COL28A1: variants seen among roughly 807,000 people sequenced by gnomAD.
The protein encoded by COL28A1 is collagen alpha-1(XXVIII) chain.
A neutral mutation model predicts 150.2 loss-of-function variants in COL28A1; 161 were observed. The ratio of observed to expected loss-of-function variants is 1.07; its 90% CI spans 0.94 to 1.22. The LOEUF (loss-of-function observed/expected upper bound fraction) is 1.22. Ranked by LOEUF, COL28A1 falls within the 50% of genes most tolerant of loss-of-function variation. COL28A1 has a pLI of 0.00. For missense variants in COL28A1, 1,617 were observed against 1,388.3 expected (o/e 1.16, Z -2.62); for synonymous variants, 552 against 469.7 (o/e 1.18, Z -2.26).
chr7:7,490,455 G>A (rs1159781679), intron 12 of COL28A1, 123 bp downstream of exon 12: 2 of 502,918 alleles, frequency 4.0e-6, no homozygotes, highest in African/African-American at 3.9e-5. Flanking sequence ...ATAAAATGAA[G>A]TAACTTCAGG....
At chr7:7,538,608 G>A (rs537064277), upstream of COL28A1, among the ~76,000 whole-genome samples, 5 of 151,992 alleles carry the variant, frequency 3.3e-5, no homozygotes, top group African/African-American at 1.2e-4. Context: ...ATTGATTCTA[G>A]TACCAGTGCC....
At chr7:7,427,075 C>G (rs1784681076) in intron 25 of COL28A1, among the ~76,000 whole-genome samples, 2 of 152,106 alleles carry the variant, frequency 1.3e-5, no homozygotes, top group Non-Finnish European at 2.9e-5. Context: ...CGTACATACT[C>G]ATAAGAAGAG....
At chr7:7,455,987 A>C (rs1218058662) in intron 16 of COL28A1, 57 bp downstream of exon 16, 1 of 1,605,816 alleles carries the variant, frequency 6.2e-7, no homozygotes, top group Non-Finnish European at 8.5e-7. Flanking sequence ...TTCAATGAAG[A>C]CCAGGATTGG....
chr7:7,428,083 T>C (rs1784744896), intron 25 of COL28A1, among the ~76,000 whole-genome samples: 1 of 152,210 alleles, frequency 6.6e-6, no homozygotes, highest in South Asian at 2.1e-4. Context: ...AGGGGGACTG[T>C]TAAAAATGTC....
chr7:7,508,845 T>A (rs1163856994), intron 9 of COL28A1, among the ~76,000 whole-genome samples: 2 of 152,048 alleles, frequency 1.3e-5, no homozygotes, highest in Non-Finnish European at 2.9e-5. Context: ...GGTTTTGTTT[T>A]GTTTTTGAGA....
At chr7:7,481,828 G>T (rs1439733881) in intron 13 of COL28A1, among the ~76,000 whole-genome samples, 1 of 151,922 alleles carries the variant, frequency 6.6e-6, no homozygotes, top group African/African-American at 2.4e-5. Flanking sequence ...TCTTCAAACA[G>T]TGCCATCTAC....
At chr7:7,347,179 G>A in the COL28A1 span, among the ~76,000 whole-genome samples, 1 of 152,006 alleles carries the variant, frequency 6.6e-6, no homozygotes, top group Non-Finnish European at 1.5e-5. Context: ...GGCCATACCA[G>A]GCAGTGTAAG....
chr7:7,374,585 A>G (rs986742561), intron 31 of COL28A1, among the ~76,000 whole-genome samples: 3 of 152,210 alleles, frequency 2.0e-5, no homozygotes, highest in African/African-American at 7.2e-5. Flanking sequence ...CACTTAAAGC[A>G]GTTGCCAGAG....
At chr7:7,402,929 T>C (rs1783293325) in intron 27 of COL28A1, among the ~76,000 whole-genome samples, 1 of 152,146 alleles carries the variant, frequency 6.6e-6, no homozygotes, top group Admixed American at 6.6e-5. Flanking sequence ...AGGACTCATG[T>C]TTTTTCCTTG....
At chr7:7,494,720 T>A (rs1391071293) in intron 11 of COL28A1, among the ~76,000 whole-genome samples, 2 of 152,212 alleles carry the variant, frequency 1.3e-5, no homozygotes, top group African/African-American at 4.8e-5. Context: ...AAGCTTACAA[T>A]CTGGCTGGAG....
chr7:7,458,411 T>C (rs113625926), intron 15 of COL28A1, among the ~76,000 whole-genome samples: 2,734 of 151,646 alleles, frequency 0.018, 88 homozygotes, highest in African/African-American at 0.063. Context: ...AGTGAAACTC[T>C]TGTCTCAAAA....
chr7:7,514,639 T>C (rs946925286), intron 8 of COL28A1, among the ~76,000 whole-genome samples: 1 of 152,222 alleles, frequency 6.6e-6, no homozygotes, highest in African/African-American at 2.4e-5. Flanking sequence ...AAACTAATAA[T>C]GTTCTGGCTT....
intron 27 of COL28A1, among the ~76,000 whole-genome samples, chr7:7,383,686 A>G (rs558859398): frequency 0.049 from 6,796 of 137,544 alleles, 530 homozygotes; most frequent in African/African-American, 0.18. Context: ...GTGTGTGTAT[A>G]TATATATATA....
chr7:7,529,367 C>A (rs1013040175), intron 3 of COL28A1, among the ~76,000 whole-genome samples: 4 of 151,116 alleles, frequency 2.6e-5, no homozygotes, highest in African/African-American at 9.7e-5. Context: ...GTATACCATT[C>A]TTTGAAGAGC....
chr7:7,510,883 T>G (rs1393611903), intron 9 of COL28A1, among the ~76,000 whole-genome samples: 1 of 152,214 alleles, frequency 6.6e-6, no homozygotes, highest in Non-Finnish European at 1.5e-5. Flanking sequence ...GAAGTCTTAA[T>G]GGTCCATAAA....
chr7:7,389,147 T>C (rs180925158), intron 27 of COL28A1, among the ~76,000 whole-genome samples: 9 of 152,352 alleles, frequency 5.9e-5, no homozygotes, highest in Admixed American at 3.3e-4. Flanking sequence ...TACTTAAGTC[T>C]TTAATCCATC....
chr7:7,443,007 C>A lies in COL28A1; in HGVS notation c.1650+578G>T, dbSNP rs189497635. 1.5e-3 allele frequency among the ~76,000 whole-genome samples: 231 copies of A among 150,986 alleles called. 2 individuals carry two copies. The highest frequency in any genetic ancestry group is 5.2e-3 in the African/African-American group (214 of 40,830). On this transcript the variant is annotated intron_variant, in intron 20 of 34. Coordinates refer to ENST00000399429, the MANE Select transcript of COL28A1 (RefSeq NM_001037763.3). ...CCAAGATCGTGCCACTGCACTCCAGCCTGTGGGACAGAGTGAGACTCCGTC... is the reference window on the plus strand; with the variant it reads ...CCAAGATCGTGCCACTGCACTCCAGACTGTGGGACAGAGTGAGACTCCGTC...
downstream of COL28A1, among the ~76,000 whole-genome samples, chr7:7,352,455 C>T (rs1192589573): frequency 6.6e-6 from 1 of 152,110 alleles, no homozygotes; most frequent in Non-Finnish European, 1.5e-5. Context: ...CAAGATTATT[C>T]TGGATTATTC....
intron 16 of COL28A1, among the ~76,000 whole-genome samples, chr7:7,454,978 G>A (rs945301417): frequency 2.0e-5 from 3 of 152,168 alleles, no homozygotes; most frequent in Admixed American, 6.5e-5. Flanking sequence ...GGAAAAAGGA[G>A]TCATATCCAA....
Sources: allele counts gnomAD v4.1 joint callset (sites outside exome capture counted in the v4.1 genomes callset), GRCh38; gene constraint gnomAD v4.1.1; transcripts MANE v1.5; gene names NCBI Gene and HGNC (gene_info 2026-07-23, HGNC 2026-07-21).